Variants in PRKN observed in about 807,000 individuals in gnomAD.
The protein encoded by PRKN is parkin RBR E3 ubiquitin protein ligase, also known as E3 ubiquitin-protein ligase parkin.
Under a neutral mutation model 59.5 loss-of-function variants are expected in PRKN, and 56 were observed. The observed-to-expected ratio is 0.94, with a 90% CI of 0.76 to 1.18. The LOEUF (loss-of-function observed/expected upper bound fraction) is 1.18. PRKN is among the 50% of genes most tolerant of loss of function. PRKN has a pLI of 0.00. For missense variants in PRKN, 657 were observed against 596.4 expected (o/e 1.10, Z -1.06); for synonymous variants, 250 against 222.1 (o/e 1.13, Z -1.12).
intron 2 of PRKN, among the ~76,000 whole-genome samples, chr6:162,279,284 G>A (rs1780773863): frequency 6.6e-6 from 1 of 151,830 alleles, no homozygotes; most frequent in African/African-American, 2.4e-5. Context: ...GTTGCAGTGA[G>A]CTGACATTGC....
intron 7 of PRKN, among the ~76,000 whole-genome samples, chr6:161,656,614 C>T (rs112934583): frequency 5.5e-4 from 84 of 152,236 alleles, no homozygotes; most frequent in African/African-American, 1.9e-3. Flanking sequence ...AGCATCTCAA[C>T]GAGGATGATT....
At position 162,636,837 on chromosome 6, in the gene PRKN, G is replaced by T. The variant is rs376677368; in HGVS notation, c.7+90825C>A. 2.9e-4 allele frequency among the ~76,000 whole-genome samples: 44 copies of T among 152,168 alleles called. 1 individual carries two copies. In the East Asian group the frequency reaches 8.4e-3, roughly 29 times the overall value. ...CAGTCTCATCTGGGAATGGTGGCAT[G>T]CACCTGTAGTAAGTCGGGAGGCCGA... On this transcript the variant is annotated intron_variant, in intron 1 of 11. Transcript: ENST00000366898.
intron 1 of PRKN, among the ~76,000 whole-genome samples, chr6:162,507,330 CT>C (rs1793654656): frequency 6.6e-6 from 1 of 152,074 alleles, no homozygotes; most frequent in South Asian, 2.1e-4. Context: ...CATCCAATGG[CT>C]TCTCACTGTC....
At chr6:162,113,451 T>C (rs867097390) in intron 4 of PRKN, among the ~76,000 whole-genome samples, 1 of 152,192 alleles carries the variant, frequency 6.6e-6, no homozygotes, top group Non-Finnish European at 1.5e-5. Flanking sequence ...GAGAATCTTC[T>C]TAAGTGTCTC....
chr6:161,701,929 T>C (rs957073712), intron 7 of PRKN, among the ~76,000 whole-genome samples: 1 of 152,180 alleles, frequency 6.6e-6, no homozygotes, highest in Non-Finnish European at 1.5e-5. Flanking sequence ...GTGGGAAGTA[T>C]ATTTTTGACA....
rs1265637676 is a variant in PRKN at position 162,162,228 on chromosome 6, C to T, written c.534+38903G>A. On this transcript the variant is annotated intron_variant, in intron 4 of 11. Coordinates refer to ENST00000366898, the MANE Select transcript of PRKN (RefSeq NM_004562.3). ...CCTCCTGACTAGCTGGGATTACAGG[C>T]ACATGCCACCATACCTGGCTAATTT... 2.0e-5 allele frequency among the ~76,000 whole-genome samples: 3 copies of T among 152,260 alleles called. No individual in the cohort carries two copies. In the East Asian group the frequency reaches 5.8e-4, roughly 29 times the overall value.
intron 5 of PRKN, among the ~76,000 whole-genome samples, chr6:162,013,406 G>C (rs1007060128): frequency 2.0e-5 from 3 of 151,724 alleles, no homozygotes; most frequent in Non-Finnish European, 4.4e-5. Context: ...ATACTTTTCC[G>C]GCTCCAACCC....
chr6:161,544,486 TTCAC>T lies in PRKN; in HGVS notation c.1083+4364_1083+4367del, dbSNP rs1374038374. Among the ~76,000 whole-genome samples, 1 of 136,900 alleles carries T rather than the reference TTCAC, an allele frequency of 7.3e-6. No individual in the cohort carries two copies. The highest frequency in any genetic ancestry group is 1.6e-5 in the Non-Finnish European group (1 of 62,106). 89.8% of individuals were successfully genotyped at this position (136,900 alleles called of 152,430 possible). On this transcript the variant is annotated intron_variant, in intron 9 of 11. Coordinates refer to ENST00000366898, the MANE Select transcript of PRKN (RefSeq NM_004562.3). The surrounding 1 kb of genome is among the most constrained non-coding windows in gnomAD (Gnocchi z 5.5). ...TGATATTACTCCTAGATTATTAAGA[TTCAC>T]TCAACCATTTATTTTATTCATTCAT...
rs1583420588 is a variant in PRKN at position 162,348,013 on chromosome 6, T to C, written c.172-85248A>G. 2.0e-5 allele frequency among the ~76,000 whole-genome samples: 3 copies of C among 152,134 alleles called. No homozygotes were observed. The East Asian group carries it at 5.8e-4, about 29-fold the overall frequency. On this transcript the variant is annotated intron_variant, in intron 2 of 11. Transcript: ENST00000366898. ...CCTCCAAATTTCACAGGACAAAATA[T>C]TGGTGAGAGGTGCTCAGAGACAGAG...
At chr6:162,212,444 C>T (rs1159175530) in intron 3 of PRKN, among the ~76,000 whole-genome samples, 1 of 149,782 alleles carries the variant, frequency 6.7e-6, no homozygotes. Context: ...TTAAACTCAA[C>T]ATTTTAAAAA....
At chr6:161,828,795 T>A (rs1192206846) in intron 6 of PRKN, among the ~76,000 whole-genome samples, 1 of 152,094 alleles carries the variant, frequency 6.6e-6, no homozygotes, top group Non-Finnish European at 1.5e-5. Flanking sequence ...TTGGGTCTGG[T>A]GGCAGCTGCC....
intron 1 of PRKN, among the ~76,000 whole-genome samples, chr6:162,455,014 A>G (rs1790801797): frequency 1.3e-5 from 2 of 152,222 alleles, no homozygotes; most frequent in Non-Finnish European, 2.9e-5. Flanking sequence ...TGGTATGAAT[A>G]CAGATACACA....
In PRKN at chr6:161,531,238, G is replaced by A. The variant is rs887579455; in HGVS notation, c.1083+17616C>T. Among the ~76,000 whole-genome samples the A allele has an allele frequency of 2.6e-5, 4 of 152,068 alleles. No individual in the cohort carries two copies. In the South Asian group the frequency reaches 6.2e-4, roughly 24 times the overall value. Reference sequence around the variant, plus strand: ...CTACTAAAAATACAAAAAATTAGCCGGGTATGGTGGCGGGCGCCTGTAGTC... The same window carrying A: ...CTACTAAAAATACAAAAAATTAGCCAGGTATGGTGGCGGGCGCCTGTAGTC... On this transcript the variant is annotated intron_variant, in intron 9 of 11. Coordinates refer to ENST00000366898, the MANE Select transcript of PRKN (RefSeq NM_004562.3).
intron 1 of PRKN, among the ~76,000 whole-genome samples, chr6:162,472,986 T>C (rs1791833876): frequency 6.7e-6 from 1 of 148,596 alleles, no homozygotes; most frequent in Non-Finnish European, 1.5e-5. Context: ...TTAAGGAAAA[T>C]ATTCTCATAC....
intron 7 of PRKN, among the ~76,000 whole-genome samples, chr6:161,675,697 C>G (rs1785061704): frequency 6.6e-6 from 1 of 152,162 alleles, no homozygotes; most frequent in African/African-American, 2.4e-5. Flanking sequence ...TACATCCTAA[C>G]CTACTATTCC....
chr6:162,126,672 T>C (rs1291956088), intron 4 of PRKN, among the ~76,000 whole-genome samples: 2 of 152,232 alleles, frequency 1.3e-5, no homozygotes, highest in Non-Finnish European at 1.5e-5. Context: ...TTATTTCTCC[T>C]GAGCTTTTGC....
intron 2 of PRKN, among the ~76,000 whole-genome samples, chr6:162,301,543 C>A (rs1781951883): frequency 6.6e-6 from 1 of 151,996 alleles, no homozygotes; most frequent in African/African-American, 2.4e-5. Flanking sequence ...CGTTTGGTTT[C>A]TCCTGAGGCC....
intron 6 of PRKN, among the ~76,000 whole-genome samples, chr6:161,960,597 C>G (rs2128248396): frequency 6.6e-6 from 1 of 152,244 alleles, no homozygotes; most frequent in South Asian, 2.1e-4. Flanking sequence ...GAGCCTTCAC[C>G]AGACGAGGCC....
intron 1 of PRKN, among the ~76,000 whole-genome samples, chr6:162,518,600 C>T (rs1327077317): frequency 1.3e-5 from 2 of 152,110 alleles, no homozygotes; most frequent in Admixed American, 1.3e-4. Flanking sequence ...CTCCTGACCT[C>T]AAGTGATCCG....
Sources: gnomAD v4.1 joint callset for allele counts (sites outside exome capture counted in the v4.1 genomes callset) on GRCh38, gnomAD v4.1.1 for gene constraint, Gnocchi (gnomAD v3.1) non-coding constraint, MANE v1.5 for transcripts, NCBI Gene and HGNC (gene_info 2026-07-23, HGNC 2026-07-21) for gene names.